Variants in SETD5 observed in about 807,000 individuals in gnomAD.
The protein encoded by SETD5 is histone-lysine N-methyltransferase SETD5.
SETD5 carries 44 observed loss-of-function variants against 153.3 expected under a neutral mutation model. The ratio of observed to expected loss-of-function variants is 0.29; its 90% confidence interval spans 0.23 to 0.37. The LOEUF (loss-of-function observed/expected upper bound fraction) is 0.37. Among genes scored for constraint, SETD5 ranks in the 10% least tolerant of loss-of-function variants. SETD5 has a pLI of 1.00. For synonymous variants in SETD5, 716 were observed against 645.2 expected (o/e 1.11, Z -1.66); for missense variants, 1,544 against 1,768.0 (o/e 0.87, Z 2.27).
At chr3:9,429,872 A>T (rs1175406797) in intron 3 of SETD5, 2 of 1,303,832 alleles carry the variant, frequency 1.5e-6, no homozygotes, top group Non-Finnish European at 2.0e-6. Flanking sequence ...GTGGCACTAC[A>T]CCAGGATGTG....
intron 1 of SETD5, among the ~76,000 whole-genome samples, chr3:9,408,599 T>C (rs2036084483): frequency 6.7e-6 from 1 of 150,230 alleles, no homozygotes; most frequent in African/African-American, 2.5e-5. Context: ...ATTTAACACA[T>C]TCCTCTATTA....
At chr3:9,413,652 GTGTGT>G (rs2036953923) in intron 1 of SETD5, among the ~76,000 whole-genome samples, 1 of 38,684 alleles carries the variant, frequency 2.6e-5, no homozygotes, top group Admixed American at 2.6e-4. Context: ...GAGGCGGGGT[GTGTGT>G]GTGTGTGTGT....
At chr3:9,453,587 A>G (rs753964199) in intron 16 of SETD5, among the ~76,000 whole-genome samples, 152 bp from the exon 17 acceptor site, 3 of 152,204 alleles carry the variant, frequency 2.0e-5, no homozygotes, top group Admixed American at 1.3e-4. Context: ...CAATGTTCCA[A>G]TATGCTGAGA....
intron 3 of SETD5, chr3:9,429,774 A>T: frequency 8.4e-7 from 1 of 1,190,164 alleles, no homozygotes; most frequent in Non-Finnish European, 1.1e-6. Context: ...CTGCTCACAG[A>T]TTCCCCCTCT....
chr3:9,452,732 T>C (rs369187187), intron 16 of SETD5, among the ~76,000 whole-genome samples: 4 of 143,722 alleles, frequency 2.8e-5, no homozygotes, highest in African/African-American at 1.1e-4. Context: ...AGGGAAAATC[T>C]ATGAGAATTG....
At chr3:9,415,263 A>G (rs1230815905) in intron 1 of SETD5, among the ~76,000 whole-genome samples, 3 of 152,232 alleles carry the variant, frequency 2.0e-5, no homozygotes, top group Non-Finnish European at 4.4e-5. Context: ...TACAGTTGAA[A>G]TGTTCATTGA....
intron 2 of SETD5, among the ~76,000 whole-genome samples, chr3:9,426,471 A>T (rs1439634019): frequency 6.6e-6 from 1 of 150,542 alleles, no homozygotes; most frequent in Non-Finnish European, 1.5e-5. Flanking sequence ...ATCTCGGCTC[A>T]CTGCAACCTC....
At position 9,470,917 on chromosome 3, in the gene SETD5, A is replaced by G; in HGVS notation, c.3183A>G (p.Pro1061=). The G allele has an allele frequency of 1.9e-6, 3 of 1,570,388 alleles. No individual in the cohort carries two copies. Among genetic ancestry groups the G allele is most frequent in the Non-Finnish European group, 1.7e-6 (2 of 1,154,876 alleles). The change falls in exon 19 of 23, where the codon CCA becomes CCG. Residue 1061 remains proline (P), a synonymous_variant. Transcript: ENST00000402198. ...TCCCATCTGCCCCCCAGAACCCACC[A>G]CAGAGGAAAAAAGTAAGTGTTTCAT... ...EGVPSAPQNP[P]QRKKVSLLEY... is the part of the protein sequence containing the mutation.
intron 17 of SETD5, among the ~76,000 whole-genome samples, chr3:9,459,196 C>G (rs1182126617): frequency 1.3e-5 from 2 of 152,092 alleles, no homozygotes; most frequent in Non-Finnish European, 2.9e-5. Context: ...TCAGCAGCTT[C>G]AGAAGTTGAA....
At chr3:9,436,904 C>T (rs1259472803) in intron 7 of SETD5, 6 of 1,548,836 alleles carry the variant, frequency 3.9e-6, no homozygotes, top group East Asian at 2.4e-5. Context: ...GGGTAATCTT[C>T]GCTGATGCTG....
intron 7 of SETD5, among the ~76,000 whole-genome samples, chr3:9,437,808 G>T (rs747916913): frequency 2.0e-4 from 31 of 151,976 alleles, no homozygotes; most frequent in Non-Finnish European, 3.7e-4. Context: ...TTCAAGACCA[G>T]CCTGGCCAAC....
intron 17 of SETD5, among the ~76,000 whole-genome samples, chr3:9,461,668 C>G (rs2043966945): frequency 6.6e-6 from 1 of 152,280 alleles, no homozygotes; most frequent in South Asian, 2.1e-4. Context: ...AATACAGTAT[C>G]ATAATAAGTA....
intron 1 of SETD5, among the ~76,000 whole-genome samples, chr3:9,409,315 A>G (rs577921786): frequency 6.6e-6 from 1 of 152,300 alleles, no homozygotes; most frequent in South Asian, 2.1e-4. Context: ...TAAGATAAGC[A>G]CTTGGGTTTT....
chr3:9,434,196 T>C lies in SETD5; in HGVS notation c.178-138T>C. The stretch of plus-strand genomic sequence containing the variant: ...AAAAACAAAGGGTACTACTTTCTTC[T>C]TTCTTTCCATATGTACCATACTTTA... On this transcript the variant is annotated intron_variant, in intron 4 of 22. Transcript: ENST00000402198. The surrounding 1 kb of genome is among the most constrained non-coding windows in gnomAD (Gnocchi z 5.6). The C allele has an allele frequency of 1.3e-6, 2 of 1,550,164 alleles. No homozygotes were observed. The highest frequency in any genetic ancestry group is 1.7e-6 in the Non-Finnish European group (2 of 1,143,930).
At chr3:9,457,553 A>G (rs2043412294) in intron 17 of SETD5, among the ~76,000 whole-genome samples, 1 of 150,750 alleles carries the variant, frequency 6.6e-6, no homozygotes, top group African/African-American at 2.4e-5. Context: ...AGAAGGATAA[A>G]TATATAAAAA....
intron 1 of SETD5, among the ~76,000 whole-genome samples, chr3:9,414,188 A>T (rs2037068137): frequency 6.6e-6 from 1 of 152,250 alleles, no homozygotes; most frequent in Non-Finnish European, 1.5e-5. Flanking sequence ...AAACAGTCAC[A>T]AAGTAGTTAT....
At chr3:9,445,516 C>A in intron 12 of SETD5, 141 bp from the exon 13 acceptor site, 2 of 873,772 alleles carry the variant, frequency 2.3e-6, no homozygotes, top group Non-Finnish European at 3.6e-6. Flanking sequence ...TAGTTATCAT[C>A]TGTGTTTACC....
chr3:9,477,623 G>A lies in SETD5; in HGVS notation c.*1532G>A, dbSNP rs2045921380. The A allele has an allele frequency of 6.7e-6, 1 of 149,680 alleles. No individual in the cohort carries two copies. Among genetic ancestry groups the A allele is most frequent in the African/African-American group, 2.5e-5 (1 of 40,402 alleles). The allele number at this position is 149,680 out of a possible 1,614,324, so 9.3% of individuals were successfully genotyped here. A position where few individuals can be genotyped will look rare whatever the true frequency, so the allele number is the denominator to read the frequency against. ...CAGTCTTCTCTCTTTGTGTGTGACT[G>A]TTACAAAATTTCACTTTTCAAAATC... On this transcript the variant is annotated 3_prime_UTR_variant, in exon 23 of 23. Coordinates refer to ENST00000402198, the MANE Select transcript of SETD5 (RefSeq NM_001080517.3).
chr3:9,442,497 A>T (rs926795333), intron 10 of SETD5, among the ~76,000 whole-genome samples: 2 of 152,238 alleles, frequency 1.3e-5, no homozygotes, highest in African/African-American at 4.8e-5. Context: ...GCTAGACTGG[A>T]TAAGAAAATC....
Sources: gnomAD v4.1 joint callset for allele counts (sites outside exome capture counted in the v4.1 genomes callset) on GRCh38, gnomAD v4.1.1 for gene constraint, Gnocchi (gnomAD v3.1) non-coding constraint, MANE v1.5 for transcripts, NCBI Gene and HGNC (gene_info 2026-07-23, HGNC 2026-07-21) for gene names.